MTF2: variants seen among roughly 807,000 people sequenced by gnomAD.
MTF2 encodes the protein metal-response element-binding transcription factor 2.
In MTF2, 11 loss-of-function variants were observed where a neutral mutation model predicts 79.5. The ratio of observed to expected loss-of-function variants is 0.14; its 90% CI spans 0.09 to 0.23. MTF2 has a LOEUF of 0.23. Among genes scored for constraint, MTF2 ranks in the 10% least tolerant of loss-of-function variants. The pLI is 1.00. For synonymous variants in MTF2, 208 were observed against 232.8 expected (o/e 0.89, Z 0.97); for missense variants, 486 against 711.2 (o/e 0.68, Z 3.60).
At chr1:93,133,441 A>G (rs1380637185) in intron 11 of MTF2, among the ~76,000 whole-genome samples, 3 of 152,082 alleles carry the variant, frequency 2.0e-5, no homozygotes, top group African/African-American at 4.8e-5. Flanking sequence ...TAAGTGGTAT[A>G]TATTGTTCAG....
intron 1 of MTF2, among the ~76,000 whole-genome samples, chr1:93,104,699 G>C (rs1437372191): frequency 1.4e-5 from 2 of 145,370 alleles, no homozygotes; most frequent in Non-Finnish European, 3.0e-5. Flanking sequence ...AAAAAAAGTA[G>C]ATAAAGATGA....
chr1:93,093,225 G>A (rs1366139151), intron 1 of MTF2, among the ~76,000 whole-genome samples: 3 of 151,858 alleles, frequency 2.0e-5, no homozygotes, highest in Non-Finnish European at 4.4e-5. Context: ...CTTGTTAGCT[G>A]TTATTTCTAG....
intron 5 of MTF2, 32 bp from the exon 6 acceptor site, chr1:93,115,438 C>T: frequency 2.1e-6 from 3 of 1,448,020 alleles, no homozygotes; most frequent in Non-Finnish European, 2.8e-6. Flanking sequence ...TTTTAGCCTT[C>T]ACTCTTTCAC....
chr1:93,120,390 C>T, intron 8 of MTF2, 159 bp from the exon 9 acceptor site: 7 of 451,290 alleles, frequency 1.6e-5, no homozygotes, highest in South Asian at 4.1e-5. Context: ...TCACTATTTT[C>T]TAGTTATTTT....
chr1:93,120,360 C>T, intron 8 of MTF2, 189 bp from the exon 9 acceptor site: 1 of 351,058 alleles, frequency 2.8e-6, no homozygotes, highest in Non-Finnish European at 5.0e-6. Flanking sequence ...AGTTGCTATT[C>T]AGAATAAGTG....
rs1483243510 is a variant in MTF2 at position 93,138,649 on chromosome 1, CTTCT to C, written c.*1623_*1626del. 6.6e-6 allele frequency: 1 copy of C among 152,178 alleles called. No homozygotes were observed. Among genetic ancestry groups the C allele is most frequent in the African/African-American group, 2.4e-5 (1 of 41,448 alleles). The allele number at this position is 152,178 out of a possible 1,614,324, so 9.4% of individuals were successfully genotyped here. A position where few individuals can be genotyped will look rare whatever the true frequency, so the allele number is the denominator to read the frequency against. On this transcript the variant is annotated 3_prime_UTR_variant, in exon 15 of 15. Transcript: ENST00000370298. ...CAAAAGTGCAAATTAAAAACTGTTA[CTTCT>C]GTTTACCTCCACCAAAACTTGATTT...
At chr1:93,121,232 G>A (rs944483467) in intron 9 of MTF2, 2 of 959,224 alleles carry the variant, frequency 2.1e-6, no homozygotes, top group African/African-American at 3.5e-5. Flanking sequence ...CTGGTTTACA[G>A]TCTTTTTTTA....
chr1:93,083,789 C>G (rs1654714536), intron 1 of MTF2, among the ~76,000 whole-genome samples: 1 of 152,184 alleles, frequency 6.6e-6, no homozygotes, highest in African/African-American at 2.4e-5. Flanking sequence ...ATTGGTATTT[C>G]ATTGTGGTTT....
At chr1:93,103,037 CA>C in intron 1 of MTF2, among the ~76,000 whole-genome samples, 1 of 151,422 alleles carries the variant, frequency 6.6e-6, no homozygotes, top group Non-Finnish European at 1.5e-5. Context: ...GAGGCTGAGG[CA>C]GGAGAATTGC....
intron 1 of MTF2, among the ~76,000 whole-genome samples, chr1:93,088,719 A>T (rs1486099922): frequency 1.3e-5 from 2 of 152,070 alleles, no homozygotes; most frequent in Admixed American, 6.6e-5. Context: ...CTGTGTGCCA[A>T]CGTGCCTGGC....
chr1:93,081,788 GA>G (rs1489801205), intron 1 of MTF2, among the ~76,000 whole-genome samples: 3 of 152,150 alleles, frequency 2.0e-5, no homozygotes, highest in Non-Finnish European at 4.4e-5. Context: ...GTGAGACTAA[GA>G]AGTGAATTTA....
At chr1:93,106,773 G>A (rs954999532) in intron 1 of MTF2, among the ~76,000 whole-genome samples, 1 of 152,080 alleles carries the variant, frequency 6.6e-6, no homozygotes, top group East Asian at 1.9e-4. Flanking sequence ...TGCCCACCTC[G>A]GCCTCCCAAA....
rs1044683732 is a variant in MTF2, at chr1:93,120,663, C to T, written c.912C>T (p.His304=). 6.2e-7 allele frequency: 1 copy of T among 1,607,684 alleles called. No homozygotes were observed. Among genetic ancestry groups the T allele is most frequent in the Non-Finnish European group, 8.5e-7 (1 of 1,178,030 alleles). The change falls in exon 9 of 15, where the codon CAC becomes CAT. Residue 304 remains histidine (H), a synonymous_variant. Coordinates refer to ENST00000370298, the MANE Select transcript of MTF2 (RefSeq NM_007358.4). ...TYINENWDRL[H]PGELADTPKS... ...TTAATGAAAACTGGGATAGATTGCACCCTGGAGAGGTAGGTGGTCTGAGAA... is the reference window on the plus strand; with the variant it reads ...TTAATGAAAACTGGGATAGATTGCATCCTGGAGAGGTAGGTGGTCTGAGAA...
At chr1:93,117,570 G>C (rs563163597) in intron 6 of MTF2, among the ~76,000 whole-genome samples, 1 of 152,156 alleles carries the variant, frequency 6.6e-6, no homozygotes, top group East Asian at 1.9e-4. Flanking sequence ...TTATTAAATC[G>C]TTATATTCTT....
chr1:93,106,390 C>G (rs948254673), intron 1 of MTF2, among the ~76,000 whole-genome samples: 1 of 151,466 alleles, frequency 6.6e-6, no homozygotes, highest in Non-Finnish European at 1.5e-5. Flanking sequence ...TAGGTCTTAA[C>G]GCAGACCTGC....
At chr1:93,118,316 A>G in intron 6 of MTF2, 29 bp from the exon 7 acceptor site, 2 of 1,275,876 alleles carry the variant, frequency 1.6e-6, no homozygotes, top group Non-Finnish European at 2.1e-6. Context: ...CAGGAATTTT[A>G]GTGTTAACTT....
At chr1:93,104,860 GAGAC>G (rs140450660) in intron 1 of MTF2, among the ~76,000 whole-genome samples, 3,783 of 151,050 alleles carry the variant, frequency 0.025, 132 homozygotes, top group African/African-American at 0.081. Flanking sequence ...GTGTGAATAA[GAGAC>G]AGACATTCTC....
chr1:93,082,499 A>G (rs986873235), intron 1 of MTF2, among the ~76,000 whole-genome samples: 2 of 152,090 alleles, frequency 1.3e-5, no homozygotes, highest in Non-Finnish European at 2.9e-5. Context: ...TGTGTTGCCC[A>G]GGCTGGTCAT....
At chr1:93,130,877 A>AT (rs1656889525) in intron 11 of MTF2, among the ~76,000 whole-genome samples, 1 of 152,124 alleles carries the variant, frequency 6.6e-6, no homozygotes, top group African/African-American at 2.4e-5. Context: ...GGAAGAACAG[A>AT]TTTTGGTATG....
Sources: gnomAD v4.1 joint callset for allele counts (sites outside exome capture counted in the v4.1 genomes callset) on GRCh38, gnomAD v4.1.1 for gene constraint, MANE v1.5 for transcripts, NCBI Gene and HGNC (gene_info 2026-07-23, HGNC 2026-07-21) for gene names.